Variants in CNBD1 observed in about 807,000 individuals in gnomAD.
The protein encoded by CNBD1 is cyclic nucleotide-binding domain-containing protein 1.
A neutral mutation model predicts 54.4 loss-of-function variants in CNBD1; 71 were observed. That is an observed-to-expected ratio of 1.30 (90% CI 1.08 to 1.59). CNBD1 has a LOEUF of 1.59. Ranked by LOEUF, CNBD1 falls within the 40% of genes most tolerant of loss-of-function variation. The probability of loss-of-function intolerance (pLI) is 0.00; values close to 1 mark genes in which losing one functional copy is unlikely to be tolerated. For missense variants in CNBD1, 659 were observed against 518.0 expected (o/e 1.27, Z -2.64); for synonymous variants, 182 against 170.7 (o/e 1.07, Z -0.51).
chr8:87,228,069 C>T (rs1054360795), intron 5 of CNBD1, among the ~76,000 whole-genome samples: 4 of 151,796 alleles, frequency 2.6e-5, no homozygotes, highest in African/African-American at 7.3e-5. Context: ...CCGTAGTTCT[C>T]GAGCCTTGGT....
chr8:87,364,962 T>C (rs1810611987), intron 10 of CNBD1, among the ~76,000 whole-genome samples: 1 of 152,098 alleles, frequency 6.6e-6, no homozygotes, highest in Non-Finnish European at 1.5e-5. Flanking sequence ...TCGCTGTGCA[T>C]GTGTCTTTAT....
intron 4 of CNBD1, among the ~76,000 whole-genome samples, chr8:87,122,722 A>C (rs1319988685): frequency 6.6e-6 from 1 of 151,796 alleles, no homozygotes; most frequent in Non-Finnish European, 1.5e-5. Flanking sequence ...ATCCATTTTG[A>C]GTTGACTTTT....
chr8:86,893,118 C>T (rs1385709467), intron 2 of CNBD1, among the ~76,000 whole-genome samples: 2 of 152,152 alleles, frequency 1.3e-5, no homozygotes, highest in Non-Finnish European at 2.9e-5. Context: ...CAATCCAGAA[C>T]AGCCCTGTCT....
chr8:87,155,533 A>G (rs1812696634), intron 4 of CNBD1, among the ~76,000 whole-genome samples: 1 of 152,212 alleles, frequency 6.6e-6, no homozygotes, highest in Non-Finnish European at 1.5e-5. Flanking sequence ...GGTTGAATGA[A>G]CAGAATTAGG....
At chr8:87,422,856 A>G (rs910606202) in intron 2 of CNBD1, among the ~76,000 whole-genome samples, 27 of 152,186 alleles carry the variant, frequency 1.8e-4, no homozygotes, top group Non-Finnish European at 3.5e-4. Context: ...TCTGTAAATT[A>G]CCTTGGGCAG....
At chr8:86,940,106 T>C (rs768546633) in intron 4 of CNBD1, among the ~76,000 whole-genome samples, 20 of 146,162 alleles carry the variant, frequency 1.4e-4, no homozygotes, top group Non-Finnish European at 3.0e-4. Flanking sequence ...CATCCAGGAG[T>C]CTTTAAATAA....
chr8:87,130,084 C>A (rs527288081), intron 4 of CNBD1, among the ~76,000 whole-genome samples: 3 of 152,172 alleles, frequency 2.0e-5, no homozygotes, highest in South Asian at 4.1e-4. Flanking sequence ...TAAAGGCCTG[C>A]CCCCATGATT....
chr8:87,213,205 G>C (rs1048376539), intron 5 of CNBD1, among the ~76,000 whole-genome samples: 1 of 151,760 alleles, frequency 6.6e-6, no homozygotes, highest in Non-Finnish European at 1.5e-5. Flanking sequence ...ATTAAGCGTT[G>C]GTATGGATGT....
chr8:87,255,990 T>C (rs1462761416), intron 6 of CNBD1, among the ~76,000 whole-genome samples: 1 of 12,154 alleles, frequency 8.2e-5, no homozygotes, highest in African/African-American at 4.2e-4. Flanking sequence ...TATATATATA[T>C]ATATATATAT....
chr8:87,092,950 G>A (rs372106122), intron 4 of CNBD1, among the ~76,000 whole-genome samples: 1 of 152,092 alleles, frequency 6.6e-6, no homozygotes, highest in South Asian at 2.1e-4. Context: ...CAGAAACCTG[G>A]GCGTTACCAC....
intron 6 of CNBD1, among the ~76,000 whole-genome samples, chr8:87,267,752 G>A (rs1489315772): frequency 6.6e-6 from 1 of 151,974 alleles, no homozygotes; most frequent in African/African-American, 2.4e-5. Context: ...GAGAAATTTG[G>A]TTTCTTTATC....
At chr8:87,309,150 T>C (rs146797703) in intron 8 of CNBD1, among the ~76,000 whole-genome samples, 62 of 152,294 alleles carry the variant, frequency 4.1e-4, no homozygotes, top group African/African-American at 1.4e-3. Context: ...AATTTCAGTT[T>C]TGAGGAACCT....
At chr8:87,162,622 G>A (rs766297436) in intron 4 of CNBD1, among the ~76,000 whole-genome samples, 3 of 152,010 alleles carry the variant, frequency 2.0e-5, no homozygotes, top group Non-Finnish European at 4.4e-5. Context: ...TGGATAATTT[G>A]TAAAAAACAT....
At chr8:87,016,271 C>G (rs1446934260) in intron 4 of CNBD1, among the ~76,000 whole-genome samples, 1 of 151,380 alleles carries the variant, frequency 6.6e-6, no homozygotes, top group Non-Finnish European at 1.5e-5. Flanking sequence ...ATTTTTCGCA[C>G]CACTGGAAAT....
chr8:86,948,541 G>T (rs969924687), intron 4 of CNBD1, among the ~76,000 whole-genome samples: 2 of 151,962 alleles, frequency 1.3e-5, no homozygotes, highest in Admixed American at 6.6e-5. Flanking sequence ...ATGCCTATTT[G>T]CCATTTGCAT....
chr8:87,344,407 TATC>T (rs1810127809), intron 8 of CNBD1, among the ~76,000 whole-genome samples: 2 of 152,232 alleles, frequency 1.3e-5, no homozygotes, highest in East Asian at 3.9e-4. Context: ...AAATGGATTT[TATC>T]ATATCATTTT....
chr8:87,139,758 G>T (rs776940538), intron 4 of CNBD1, among the ~76,000 whole-genome samples: 3 of 152,072 alleles, frequency 2.0e-5, no homozygotes, highest in Non-Finnish European at 4.4e-5. Context: ...GGGGTCAAAG[G>T]CCTCCTCCAC....
chr8:87,371,197 A>G (rs1366840116), intron 10 of CNBD1, among the ~76,000 whole-genome samples: 1 of 151,878 alleles, frequency 6.6e-6, no homozygotes, highest in African/African-American at 2.4e-5. Context: ...CTTAGGATTG[A>G]CTGGGCAATG....
At chr8:87,424,340 C>T (rs992638492) in intron 2 of CNBD1, among the ~76,000 whole-genome samples, 9 of 151,970 alleles carry the variant, frequency 5.9e-5, no homozygotes, top group Admixed American at 2.0e-4. Context: ...TTTGCTCGTG[C>T]TTTTCTAGTT....
Sources: gnomAD v4.1 joint callset for allele counts (sites outside exome capture counted in the v4.1 genomes callset) on GRCh38, gnomAD v4.1.1 for gene constraint, MANE v1.5 for transcripts, NCBI Gene and HGNC (gene_info 2026-07-23, HGNC 2026-07-21) for gene names.